The following LMBRD1 variants were observed in gnomAD, a reference collection of about 807,000 sequenced individuals.
The protein encoded by LMBRD1 is lysosomal cobalamin transport escort protein LMBD1.
Under a neutral mutation model 74.8 loss-of-function variants are expected in LMBRD1, and 64 were observed. That is an observed-to-expected ratio of 0.86 (90% CI 0.70 to 1.05). The LOEUF (loss-of-function observed/expected upper bound fraction) is 1.05, where lower values mean the gene tolerates loss of function less well. Among genes scored for constraint, LMBRD1 ranks in the 50% least tolerant of loss-of-function variants. The probability of loss-of-function intolerance (pLI) is 0.00; values close to 1 mark genes in which losing one functional copy is unlikely to be tolerated. For missense variants in LMBRD1, 652 were observed against 645.9 expected, an observed-to-expected ratio of 1.01 and a Z score of -0.10; for synonymous variants, 204 against 216.3, an observed-to-expected ratio of 0.94 and a Z score of 0.50.
At chr6:69,784,054 G>A (rs1052740966) in intron 2 of LMBRD1, among the ~76,000 whole-genome samples, 2 of 152,052 alleles carry the variant, frequency 1.3e-5, no homozygotes, top group Non-Finnish European at 2.9e-5. Context: ...TAGTGTATTT[G>A]GCTTTTACAT....
chr6:69,689,553 G>A (rs1053720398), intron 14 of LMBRD1, among the ~76,000 whole-genome samples: 1 of 152,100 alleles, frequency 6.6e-6, no homozygotes, highest in African/African-American at 2.4e-5. Context: ...AAGTCCTGAA[G>A]CAAGTCTTTT....
At position 69,713,794 on chromosome 6, in the gene LMBRD1, T is replaced by C. The variant is rs776877576; in HGVS notation, c.766A>G (p.Lys256Glu). 1.2e-6 allele frequency: 2 copies of C among 1,613,522 alleles called. No homozygotes were observed. Among genetic ancestry groups the C allele is most frequent in the East Asian group, 4.5e-5 (2 of 44,856 alleles). The change falls in exon 9 of 16, where the codon AAA becomes GAA. Residue 256 changes from lysine (K) to glutamate (E), a missense_variant. By Grantham distance (56) the Lys-to-Glu change is moderately conservative. Transcript: ENST00000649934. ...CTTGCTGGCAAAGGTCGACCATCTT[T>C]GCTCTGCAAATAACAGAACAAAATA... ...QHIQTIKSKS[K>E]DGRPLPARDK...
intron 3 of LMBRD1, among the ~76,000 whole-genome samples, chr6:69,770,951 C>T (rs1765564225): frequency 6.6e-6 from 1 of 152,088 alleles, no homozygotes; most frequent in African/African-American, 2.4e-5. Context: ...GGAAGAAAAG[C>T]ATTCTAAGCA....
chr6:69,676,714 C>T (rs1210254531), intron 14 of LMBRD1, among the ~76,000 whole-genome samples, 173 bp from the exon 15 acceptor site: 1 of 151,884 alleles, frequency 6.6e-6, no homozygotes, highest in Admixed American at 6.6e-5. Flanking sequence ...CTTTCAATCA[C>T]CTTAATGTAG....
intron 3 of LMBRD1, among the ~76,000 whole-genome samples, chr6:69,777,444 C>A (rs1473450633): frequency 0.011 from 1,132 of 103,156 alleles, no homozygotes; most frequent in African/African-American, 0.015. Flanking sequence ...GACTCTGTTG[C>A]AAAAAAAAAA....
intron 3 of LMBRD1, among the ~76,000 whole-genome samples, chr6:69,777,020 C>T (rs1297386622): frequency 6.6e-6 from 1 of 151,992 alleles, no homozygotes; most frequent in Admixed American, 6.6e-5. Flanking sequence ...TGGTGGCGAA[C>T]GCTTGTAATC....
chr6:69,685,672 G>A (rs1963956), intron 14 of LMBRD1, among the ~76,000 whole-genome samples: 55,045 of 151,888 alleles, frequency 0.36, 10,563 homozygotes, highest in East Asian at 0.54. Flanking sequence ...ATGGTGGCAC[G>A]TGCCTGTAAT....
At chr6:69,699,609 T>C (rs1766083861) in intron 12 of LMBRD1, among the ~76,000 whole-genome samples, 1 of 151,870 alleles carries the variant, frequency 6.6e-6, no homozygotes, top group South Asian at 2.1e-4. Context: ...TACTTTGCTA[T>C]AAAAATTAGT....
At chr6:69,712,145 G>A (rs9342766) in intron 9 of LMBRD1, among the ~76,000 whole-genome samples, 86,762 of 151,872 alleles carry the variant, frequency 0.57, 25,283 homozygotes, top group East Asian at 0.73. Flanking sequence ...TACAACTTGT[G>A]TGCTATTGTA....
intron 7 of LMBRD1, among the ~76,000 whole-genome samples, chr6:69,720,445 T>G (rs1766589818): frequency 6.6e-6 from 1 of 152,230 alleles, no homozygotes; most frequent in African/African-American, 2.4e-5. Context: ...TCTGTTACTA[T>G]TAGATGAAAA....
chr6:69,764,162 C>G (rs540310703), intron 3 of LMBRD1, among the ~76,000 whole-genome samples: 6 of 152,106 alleles, frequency 3.9e-5, no homozygotes, highest in Non-Finnish European at 2.9e-5. Flanking sequence ...GTTTGTCCCC[C>G]CAGAATTCAT....
chr6:69,729,657 T>G (rs1195984966), intron 7 of LMBRD1, among the ~76,000 whole-genome samples: 2 of 152,048 alleles, frequency 1.3e-5, no homozygotes, highest in African/African-American at 4.8e-5. Flanking sequence ...AATTTCTAAA[T>G]AGCTTAATTT....
At chr6:69,743,405 G>A (rs1767149455) in intron 5 of LMBRD1, among the ~76,000 whole-genome samples, 1 of 152,126 alleles carries the variant, frequency 6.6e-6, no homozygotes, top group South Asian at 2.1e-4. Flanking sequence ...TACAGAAAGA[G>A]ACTAAAATTA....
chr6:69,767,409 T>C (rs895359601), intron 3 of LMBRD1, among the ~76,000 whole-genome samples: 1 of 151,778 alleles, frequency 6.6e-6, no homozygotes, highest in African/African-American at 2.4e-5. Flanking sequence ...ATTTTCATTC[T>C]GTTCAAAATA....
intron 9 of LMBRD1, among the ~76,000 whole-genome samples, chr6:69,704,289 G>A (rs1041624664): frequency 4.6e-5 from 7 of 151,778 alleles, no homozygotes; most frequent in Non-Finnish European, 1.0e-4. Flanking sequence ...GAAACAATAC[G>A]TTTTTTTCTG....
chr6:69,675,891 A>G lies in LMBRD1; in HGVS notation c.*267T>C. 2.4e-6 allele frequency: 1 copy of G among 423,642 alleles called. No individual in the cohort carries two copies. Among genetic ancestry groups the G allele is most frequent in the South Asian group, 2.5e-5 (1 of 40,766 alleles). The allele number at this position is 423,642 out of a possible 1,614,324, so 26.2% of individuals were successfully genotyped here. The stretch of plus-strand genomic sequence containing the variant: ...GAAGATTTTTAATCAATTTAACACT[A>G]TTATACATTAGAGGAAAAAATTTTG... On this transcript the variant is annotated 3_prime_UTR_variant, in exon 16 of 16. Transcript: ENST00000649934.
chr6:69,699,042 C>CCT lies in LMBRD1; in HGVS notation c.1337_1338dup (p.Thr447ArgfsTer4), dbSNP rs777329204. ...AATCAAGTTTCAAATATTTCACTTA[C>CCT]CTCTATTAAGTAATTTTGGCTTCCA... On this transcript the variant is annotated frameshift_variant and splice_region_variant. Transcript: ENST00000649934. LOFTEE classifies it high-confidence loss of function. 8 of 1,569,728 alleles carry CCT rather than the reference C, an allele frequency of 5.1e-6. No homozygotes were observed. Among genetic ancestry groups the CCT allele is most frequent in the Non-Finnish European group, 6.1e-6 (7 of 1,141,272 alleles).
At chr6:69,683,650 C>CA (rs530303934) in intron 14 of LMBRD1, among the ~76,000 whole-genome samples, 3 of 151,610 alleles carry the variant, frequency 2.0e-5, no homozygotes, top group Non-Finnish European at 2.9e-5. Flanking sequence ...TATTTAACCA[C>CA]AAAAAAAATT....
chr6:69,778,540 C>T (rs972079278), intron 3 of LMBRD1, among the ~76,000 whole-genome samples: 1 of 152,212 alleles, frequency 6.6e-6, no homozygotes, highest in African/African-American at 2.4e-5. Context: ...CGATAAGATA[C>T]AGTTCACAGA....
Sources: gnomAD v4.1 joint callset for allele counts (sites outside exome capture counted in the v4.1 genomes callset) on GRCh38, gnomAD v4.1.1 for gene constraint, MANE v1.5 for transcripts, NCBI Gene and HGNC (gene_info 2026-07-23, HGNC 2026-07-21) for gene names.